Variants in SPTA1 observed in about 807,000 individuals in gnomAD.
The protein encoded by SPTA1 is spectrin alpha chain, erythrocytic 1.
SPTA1 carries 177 observed loss-of-function variants against 324.7 expected under a neutral mutation model. The observed-to-expected ratio is 0.55, with a 90% CI of 0.48 to 0.62. The LOEUF is 0.62. Among genes scored for constraint, SPTA1 ranks in the 20% least tolerant of loss-of-function variants. The pLI is 0.00. For missense variants in SPTA1, 3,162 were observed against 2,883.6 expected (o/e 1.10, Z -2.21); for synonymous variants, 1,195 against 1,041.3 (o/e 1.15, Z -2.84).
At chr1:158,618,197 A>G (rs1483251933) in intron 45 of SPTA1, 141 bp from the exon 46 acceptor site, 1 of 894,674 alleles carries the variant, frequency 1.1e-6, no homozygotes, top group Non-Finnish European at 1.8e-6. Flanking sequence ...GAATCTGTCC[A>G]CCCACTGGTT....
At position 158,662,957 on chromosome 1, in the gene SPTA1, A is replaced by C; in HGVS notation, c.2221-12T>G. ...ATATCCACCTGATCCTAAGGGAGAA[A>C]TAGAATGAATGCGAAGAAATCCCAT... On this transcript the variant is annotated splice_polypyrimidine_tract_variant and intron_variant, in intron 16 of 51. Transcript: ENST00000643759. The C allele has an allele frequency of 6.2e-7, 1 of 1,613,876 alleles. No homozygotes were observed. The highest frequency in any genetic ancestry group is 1.3e-5 in the African/African-American group (1 of 75,012).
intron 51 of SPTA1, 135 bp downstream of exon 51, chr1:158,612,682 T>G (rs1649332406): frequency 3.2e-6 from 3 of 924,310 alleles, no homozygotes; most frequent in South Asian, 2.8e-5. Context: ...CCAAAGCAAA[T>G]GACATCTTGT....
At chr1:158,643,246 C>T in intron 31 of SPTA1, 76 bp downstream of exon 31, 6 of 1,513,006 alleles carry the variant, frequency 4.0e-6, no homozygotes, top group Non-Finnish European at 5.5e-6. Flanking sequence ...CAGAGTATTC[C>T]CCCATCTCAA....
chr1:158,658,385 A>G (rs1408376175), intron 18 of SPTA1, among the ~76,000 whole-genome samples: 1 of 152,164 alleles, frequency 6.6e-6, no homozygotes, highest in Non-Finnish European at 1.5e-5. Flanking sequence ...TATTTGTCTG[A>G]TTACTCATAT....
chr1:158,649,099 T>C (rs1364165926), intron 25 of SPTA1, among the ~76,000 whole-genome samples: 2 of 152,180 alleles, frequency 1.3e-5, no homozygotes, highest in African/African-American at 4.8e-5. Flanking sequence ...TGAAGGTGTT[T>C]AGTTTCTGTT....
chr1:158,684,558 A>G (rs1372937799), intron 2 of SPTA1, among the ~76,000 whole-genome samples: 1 of 152,160 alleles, frequency 6.6e-6, no homozygotes, highest in African/African-American at 2.4e-5. Context: ...GTTTATGAAG[A>G]TGAAGACATG....
In SPTA1 at chr1:158,661,383, G is replaced by A. The variant is rs755518089; in HGVS notation, c.2491C>T (p.Leu831Phe). 1.9e-6 allele frequency: 3 copies of A among 1,613,840 alleles called. No individual in the cohort carries two copies. The highest frequency in any genetic ancestry group is 2.5e-6 in the Non-Finnish European group (3 of 1,179,856). Reference sequence around the variant, plus strand: ...AGGATGACTCTATGCCTATTCAGAAGCTTTTTGGAAGCAATCAGGTCCTTT... The same window carrying A: ...AGGATGACTCTATGCCTATTCAGAAACTTTTTGGAAGCAATCAGGTCCTTT... ...LGKDLIASKK[L>F]LNRHRVILEN... Residue 831 changes from leucine (L) to phenylalanine (F), a missense_variant, in exon 18 of 52, where the codon CTT (leucine) becomes TTT (phenylalanine). Coordinates refer to ENST00000643759, the MANE Select transcript of SPTA1 (RefSeq NM_003126.4).
chr1:158,651,076 T>C (rs1023948072), intron 24 of SPTA1, among the ~76,000 whole-genome samples: 4 of 152,324 alleles, frequency 2.6e-5, no homozygotes, highest in African/African-American at 4.8e-5. Context: ...CTGCTACCAA[T>C]ACTTTTGTCT....
intron 48 of SPTA1, 69 bp downstream of exon 48, chr1:158,615,147 C>T (rs1428334250): frequency 6.3e-7 from 1 of 1,583,090 alleles, no homozygotes; most frequent in East Asian, 2.2e-5. Context: ...AAACTCTCGC[C>T]CTTAGTTAAG....
chr1:158,654,849 A>G, intron 20 of SPTA1, 101 bp from the exon 21 acceptor site: 1 of 1,544,258 alleles, frequency 6.5e-7, no homozygotes, highest in Non-Finnish European at 8.8e-7. Context: ...AGGAGAAAAG[A>G]GCCTCTGGCT....
At chr1:158,664,376 C>T (rs1159243899) in intron 16 of SPTA1, among the ~76,000 whole-genome samples, 5 of 152,248 alleles carry the variant, frequency 3.3e-5, no homozygotes, top group Admixed American at 2.6e-4. Context: ...ATGTCCTTTG[C>T]AGGGACATGG....
intron 51 of SPTA1, 99 bp from the exon 52 acceptor site, chr1:158,611,488 G>A: frequency 7.0e-7 from 1 of 1,421,680 alleles, no homozygotes; most frequent in Admixed American, 1.8e-5. Context: ...GAGATGGAGA[G>A]TCTCTGGAAG....
rs1187078455 is a variant in SPTA1 at position 158,636,690 on chromosome 1, T to C, written c.5261A>G (p.Lys1754Arg). The change falls in exon 37 of 52, where the codon AAG becomes AGG. Residue 1754 changes from lysine (K) to arginine (R), a missense_variant. Lys to Arg is a conservative substitution (Grantham distance 26, BLOSUM62 2). Coordinates refer to ENST00000643759, the MANE Select transcript of SPTA1 (RefSeq NM_003126.4). ...DLQGVQNLLK[K>R]HKRLEGELVA... is the part of the protein sequence containing the mutation. ...CAGCTCCCCCTCTAGGCGTTTGTGC[T>C]TCTTCAGCAAGTTCTGAACCCCCTG... is the stretch of plus-strand genomic sequence containing the variant. The C allele has an allele frequency of 6.2e-7, 1 of 1,614,146 alleles. No individual in the cohort carries two copies. Among genetic ancestry groups the C allele is most frequent in the Non-Finnish European group, 8.5e-7 (1 of 1,180,016 alleles).
At position 158,668,048 on chromosome 1, in the gene SPTA1, C is replaced by T; in HGVS notation, c.1848G>A (p.Leu616=). 1.2e-6 allele frequency: 2 copies of T among 1,601,518 alleles called. No homozygotes were observed. Among genetic ancestry groups the T allele is most frequent in the Non-Finnish European group, 1.7e-6 (2 of 1,174,668 alleles). ...CTTGCTGCTTTTGAACCCTGCTCTT[C>T]AAGTTCTGTATGTCCTGAGATAAGA... ...DDEDYKDIQN[L]KSRVQKQQVF... The change falls in exon 15 of 52, where the codon TTG becomes TTA. Residue 616 remains leucine (L), a synonymous_variant. Transcript: ENST00000643759.
At chr1:158,620,111 A>T (rs1362343081) in intron 44 of SPTA1, 59 bp downstream of exon 44, 3 of 1,592,890 alleles carry the variant, frequency 1.9e-6, no homozygotes, top group Non-Finnish European at 2.6e-6. Context: ...ATTTACTTGG[A>T]TAATAAAGTG....
chr1:158,657,796 G>C (rs554889941), intron 18 of SPTA1, 102 bp from the exon 19 acceptor site: 1 of 1,227,618 alleles, frequency 8.1e-7, no homozygotes, highest in African/African-American at 1.5e-5. Context: ...TGATAAAAAT[G>C]GTATGTTATT....
intron 37 of SPTA1, 96 bp downstream of exon 37, chr1:158,636,545 A>G: frequency 7.0e-7 from 1 of 1,421,588 alleles, no homozygotes; most frequent in Non-Finnish European, 9.9e-7. Context: ...TTGACATCCT[A>G]TTTTCACGTT....
Position 158,618,062 on chromosome 1 carries a change from C to T in SPTA1, c.6531-6G>A. ...ACCCATCCAGAAAGTAAGCCCTGGA[C>T]ATGGAGGTCCGGAACAGGAATCACA... is the stretch of plus-strand genomic sequence containing the variant. On this transcript the variant is annotated splice_region_variant and splice_polypyrimidine_tract_variant and intron_variant, in intron 45 of 51. Transcript: ENST00000643759. 1 of 1,611,642 alleles carries T rather than the reference C, an allele frequency of 6.2e-7. No homozygotes were observed. Among genetic ancestry groups the T allele is most frequent in the Non-Finnish European group, 8.5e-7 (1 of 1,177,692 alleles).
chr1:158,617,028 C>T (rs1278940766), intron 47 of SPTA1, among the ~76,000 whole-genome samples: 2 of 132,332 alleles, frequency 1.5e-5, no homozygotes, highest in African/African-American at 3.0e-5. Context: ...ATTTTTTTCT[C>T]CTGCAAGAAT....
Sources: allele counts gnomAD v4.1 joint callset (sites outside exome capture counted in the v4.1 genomes callset), GRCh38; gene constraint gnomAD v4.1.1; transcripts MANE v1.5; gene names NCBI Gene and HGNC (gene_info 2026-07-23, HGNC 2026-07-21).